The following AFDN variants were observed in gnomAD, a reference collection of about 807,000 sequenced individuals.
AFDN encodes afadin.
Under a neutral mutation model 216.6 loss-of-function variants are expected in AFDN, and 68 were observed. The observed-to-expected ratio is 0.31, with a 90% CI of 0.26 to 0.38. The LOEUF is 0.38. Among genes scored for constraint, AFDN ranks in the 10% least tolerant of loss-of-function variants. The probability of loss-of-function intolerance (pLI) is 1.00; values close to 1 mark genes in which losing one functional copy is unlikely to be tolerated. For missense variants in AFDN, 2,136 were observed against 2,342.0 expected (o/e 0.91, Z 1.82); for synonymous variants, 868 against 853.7 (o/e 1.02, Z -0.29).
chr6:167,845,505 C>A (rs1453195530), intron 1 of AFDN, among the ~76,000 whole-genome samples: 1 of 152,044 alleles, frequency 6.6e-6, no homozygotes. Flanking sequence ...TCAAGCGATT[C>A]TCCTGCCTCA....
rs1798012931 is a variant in AFDN, at chr6:167,971,392, AGTT to A, written c.*1460_*1462del. The A allele has an allele frequency of 9.8e-6, 2 of 205,046 alleles. No individual in the cohort carries two copies. Among genetic ancestry groups the A allele is most frequent in the Non-Finnish European group, 2.0e-5 (2 of 100,470 alleles). 12.7% of individuals were successfully genotyped at this position (205,046 alleles called of 1,614,324 possible). A position where few individuals can be genotyped will look rare whatever the true frequency, so the allele number is the denominator to read the frequency against. ...TGCCTTCGAAATCACTTTTAATAAA[AGTT>A]GTATGATAAATCATTAAAAATGCGA... On this transcript the variant is annotated 3_prime_UTR_variant, in exon 34 of 34. Coordinates refer to ENST00000683244, the MANE Select transcript of AFDN (RefSeq NM_001386888.1).
At position 167,872,447 on chromosome 6, in the gene AFDN, G is replaced by T. The variant is rs900888635; in HGVS notation, c.578+70G>T. On this transcript the variant is annotated intron_variant, in intron 4 of 33. Coordinates refer to ENST00000683244, the MANE Select transcript of AFDN (RefSeq NM_001386888.1). ...CAGATGTTTTTGTTGCACCAAAATT[G>T]TTAAATTTTCAGATAAATTATGGAA... 46 of 1,492,784 alleles carry T rather than the reference G, an allele frequency of 3.1e-5. No homozygotes were observed. The African/African-American group carries it at 5.6e-4, about 18-fold the overall frequency. 92.5% of individuals were successfully genotyped at this position (1,492,784 alleles called of 1,614,324 possible). A position where few individuals can be genotyped will look rare whatever the true frequency, so the allele number is the denominator to read the frequency against.
At chr6:167,896,137 T>TTCC (rs1340465719) in intron 9 of AFDN, among the ~76,000 whole-genome samples, 2 of 152,084 alleles carry the variant, frequency 1.3e-5, no homozygotes, top group South Asian at 4.2e-4. Flanking sequence ...GCAGAGCAGC[T>TTCC]TCCTCCTCCT....
chr6:167,962,793 C>T lies in AFDN; in HGVS notation c.4968+226C>T. The stretch of plus-strand genomic sequence containing the variant: ...CCCCTTATCTGCCAAGTTTTGTCTC[C>T]TTCAAACTTCTGAACTCTTGGGCGT... On this transcript the variant is annotated intron_variant, in intron 31 of 33. Transcript: ENST00000683244. This position sits in a 1 kb window ranked among gnomAD's most constrained non-coding sequence, Gnocchi z 5.2. The T allele has an allele frequency of 7.3e-7, 1 of 1,377,196 alleles. No individual in the cohort carries two copies. The highest frequency in any genetic ancestry group is 9.4e-7 in the Non-Finnish European group (1 of 1,065,352). The allele number at this position is 1,377,196 out of a possible 1,614,324, so 85.3% of individuals were successfully genotyped here. A position where few individuals can be genotyped will look rare whatever the true frequency, so the allele number is the denominator to read the frequency against.
intron 5 of AFDN, 50 bp downstream of exon 5, chr6:167,875,545 T>A: frequency 3.8e-6 from 6 of 1,584,066 alleles, no homozygotes; most frequent in Non-Finnish European, 5.2e-6. Context: ...AGAGCATTGT[T>A]TAATTACACT....
At chr6:167,844,023 G>C (rs899303332) in intron 1 of AFDN, among the ~76,000 whole-genome samples, 3 of 152,130 alleles carry the variant, frequency 2.0e-5, no homozygotes, top group Non-Finnish European at 4.4e-5. Context: ...GATTTATGTG[G>C]ATAAAATTTA....
At chr6:167,829,706 ATC>A (rs1049748578) in intron 1 of AFDN, among the ~76,000 whole-genome samples, 1 of 151,872 alleles carries the variant, frequency 6.6e-6, no homozygotes, top group African/African-American at 2.4e-5. Context: ...AGTGATAAGT[ATC>A]TGTTTTCAAA....
intron 1 of AFDN, among the ~76,000 whole-genome samples, chr6:167,850,405 GT>G (rs953797113): frequency 2.6e-5 from 4 of 151,388 alleles, no homozygotes; most frequent in African/African-American, 9.7e-5. Flanking sequence ...GTTGCTTTAA[GT>G]TTTTTTTTCT....
At chr6:167,860,186 T>A (rs866890911) in intron 1 of AFDN, among the ~76,000 whole-genome samples, 1 of 88,398 alleles carries the variant, frequency 1.1e-5, no homozygotes, top group African/African-American at 4.6e-5. Context: ...TTTTTTTTTT[T>A]TAGAAACCTT....
chr6:167,915,391 G>C lies in AFDN; in HGVS notation c.2523G>C (p.Gly841=), dbSNP rs200446416. 9.3e-6 allele frequency: 15 copies of C among 1,614,170 alleles called. No individual in the cohort carries two copies. The East Asian group carries it at 3.3e-4, about 36-fold the overall frequency. Residue 841 remains glycine (G), a synonymous_variant, in exon 19 of 34, where the codon GGG becomes GGC. Transcript: ENST00000683244. ...GHIEAWAEKQ[G]LELAADCHLS... Reference sequence around the variant, plus strand: ...TTGAAGCCTGGGCTGAGAAGCAGGGGCTGGAACTGGCTGCGGACTGTCATC... The same window carrying C: ...TTGAAGCCTGGGCTGAGAAGCAGGGCCTGGAACTGGCTGCGGACTGTCATC...
chr6:167,860,234 A>G (rs1783405289), intron 1 of AFDN, among the ~76,000 whole-genome samples: 1 of 139,250 alleles, frequency 7.2e-6, no homozygotes, highest in African/African-American at 2.7e-5. Flanking sequence ...GCTGCAACAT[A>G]TTAGACTATT....
At chr6:167,857,060 G>A (rs947334547) in intron 1 of AFDN, among the ~76,000 whole-genome samples, 4 of 152,072 alleles carry the variant, frequency 2.6e-5, no homozygotes, top group African/African-American at 7.2e-5. Flanking sequence ...TACTCACACT[G>A]TAAAAAACTG....
In AFDN at chr6:167,827,061, C is replaced by G; in HGVS notation, c.-72C>G. 1 of 734,894 alleles carries G rather than the reference C, an allele frequency of 1.4e-6. No individual in the cohort carries two copies. Among genetic ancestry groups the G allele is most frequent in the South Asian group, 5.6e-5 (1 of 17,972 alleles). The allele number at this position is 734,894 out of a possible 1,614,324, so 45.5% of individuals were successfully genotyped here. On this transcript the variant is annotated 5_prime_UTR_variant, in exon 1 of 34. Transcript: ENST00000683244. ...GGGGGGTGGCGAGGGGCGCCGGGCCCCCGCGGACCTGTCGTCCTCGGCCCG... is the reference window on the plus strand; with the variant it reads ...GGGGGGTGGCGAGGGGCGCCGGGCCGCCGCGGACCTGTCGTCCTCGGCCCG...
chr6:167,969,245 G>A (rs975522777), intron 33 of AFDN, 47 bp downstream of exon 33: 19 of 1,383,158 alleles, frequency 1.4e-5, no homozygotes, highest in Admixed American at 1.3e-4. Flanking sequence ...TACCTGATGA[G>A]CCCTTTCACT....
At chr6:167,944,138 A>C (rs1795006828) in intron 26 of AFDN, 79 bp downstream of exon 26, 2 of 1,076,980 alleles carry the variant, frequency 1.9e-6, no homozygotes, top group Admixed American at 3.8e-5. Flanking sequence ...TGGAGGAGGT[A>C]CTGGTGTTAC....
Position 167,943,213 on chromosome 6 carries a change from G to C in AFDN, c.3165+19G>C. On this transcript the variant is annotated intron_variant, in intron 24 of 33. Transcript: ENST00000683244. ...AGATGTGGTCAGTATCATTTTGAAA[G>C]AAGTACATTTTCAGTGTGTCATATA... 1 of 1,604,526 alleles carries C rather than the reference G, an allele frequency of 6.2e-7. No individual in the cohort carries two copies. The highest frequency in any genetic ancestry group is 2.2e-5 in the East Asian group (1 of 44,828).
chr6:167,845,489 C>T lies in AFDN; in HGVS notation c.105+18252C>T, dbSNP rs753165072. Among the ~76,000 whole-genome samples, 36 of 152,068 alleles carry T rather than the reference C, an allele frequency of 2.4e-4. 1 individual carries two copies. The highest frequency in any genetic ancestry group is 4.1e-4 in the South Asian group (2 of 4,820). On this transcript the variant is annotated intron_variant, in intron 1 of 33. Transcript: ENST00000683244. ...CTTGGCTCACTGGCACCTCCACCTC[C>T]CAGGTTCAAGCGATTCTCCTGCCTC...
intron 13 of AFDN, among the ~76,000 whole-genome samples, chr6:167,910,039 C>T (rs1443709143): frequency 6.6e-6 from 1 of 152,120 alleles, no homozygotes; most frequent in East Asian, 1.9e-4. Context: ...GCTTGAAGTT[C>T]TAATCACATG....
intron 23 of AFDN, among the ~76,000 whole-genome samples, chr6:167,929,431 T>G (rs1290958265): frequency 1.3e-5 from 2 of 152,180 alleles, no homozygotes; most frequent in African/African-American, 4.8e-5. Flanking sequence ...CAGCTGAAGC[T>G]AGATTGGGGA....
Sources: gnomAD v4.1 joint callset for allele counts (sites outside exome capture counted in the v4.1 genomes callset) on GRCh38, gnomAD v4.1.1 for gene constraint, Gnocchi (gnomAD v3.1) non-coding constraint, MANE v1.5 for transcripts, NCBI Gene and HGNC (gene_info 2026-07-23, HGNC 2026-07-21) for gene names.